The following HPSE2 variants were observed in gnomAD, a reference collection of about 807,000 sequenced individuals.
The protein encoded by HPSE2 is heparanase 2 (inactive), also known as inactive heparanase-2.
HPSE2 carries 38 observed loss-of-function variants against 60.5 expected under a neutral mutation model. The observed-to-expected ratio is 0.63, with a 90% CI of 0.48 to 0.82. The LOEUF (loss-of-function observed/expected upper bound fraction) is 0.82, where lower values mean the gene tolerates loss of function less well. HPSE2 is among the 40% of genes least tolerant of loss of function. HPSE2 has a pLI of 0.00. For missense variants in HPSE2, 713 were observed against 740.4 expected, an observed-to-expected ratio of 0.96 and a Z score of 0.43; for synonymous variants, 295 against 293.2, an observed-to-expected ratio of 1.01 and a Z score of -0.06.
At chr10:98,716,366 G>C (rs1026166599) in intron 5 of HPSE2, among the ~76,000 whole-genome samples, 10 of 151,742 alleles carry the variant, frequency 6.6e-5, no homozygotes, top group Non-Finnish European at 1.3e-4. Flanking sequence ...CAGCACACCA[G>C]CATGGCACAT....
chr10:99,159,458 T>A (rs908527751), intron 2 of HPSE2, among the ~76,000 whole-genome samples: 5 of 152,210 alleles, frequency 3.3e-5, no homozygotes, highest in African/African-American at 1.2e-4. Context: ...AATTCATATA[T>A]GTAATAAAAT....
intron 2 of HPSE2, among the ~76,000 whole-genome samples, chr10:99,228,957 T>A (rs1424567658): frequency 6.6e-6 from 1 of 151,950 alleles, no homozygotes; most frequent in Non-Finnish European, 1.5e-5. Flanking sequence ...GGCAGATCAG[T>A]TGAGGTCAGG....
intron 3 of HPSE2, among the ~76,000 whole-genome samples, chr10:99,093,268 CCT>C (rs1279095629): frequency 6.6e-6 from 1 of 151,946 alleles, no homozygotes; most frequent in Non-Finnish European, 1.5e-5. Flanking sequence ...CAGGAATTCC[CCT>C]CTCAGCTCTG....
intron 3 of HPSE2, among the ~76,000 whole-genome samples, chr10:98,773,503 T>C (rs752567868): frequency 3.1e-4 from 47 of 152,184 alleles, no homozygotes; most frequent in Non-Finnish European, 5.9e-4. Context: ...AAATTTTAAG[T>C]TGGGTCATCC....
At chr10:99,135,051 A>C (rs184298515) in intron 3 of HPSE2, among the ~76,000 whole-genome samples, 78 of 152,326 alleles carry the variant, frequency 5.1e-4, no homozygotes, top group Non-Finnish European at 8.7e-4. Flanking sequence ...AGCAAAAAAA[A>C]ACAGGAGTTG....
chr10:99,157,726 G>A (rs1268700755), intron 2 of HPSE2, among the ~76,000 whole-genome samples: 1 of 143,234 alleles, frequency 7.0e-6, no homozygotes, highest in Non-Finnish European at 1.5e-5. Flanking sequence ...CAAAAGCAAT[G>A]GCAACAAAAG....
intron 3 of HPSE2, among the ~76,000 whole-genome samples, chr10:98,767,050 T>C (rs1251753658): frequency 6.6e-6 from 1 of 152,154 alleles, no homozygotes; most frequent in Non-Finnish European, 1.5e-5. Flanking sequence ...TCCGACAAAA[T>C]TCAACATTAA....
In HPSE2 at chr10:98,733,312, G is replaced by A. The variant is rs557173109; in HGVS notation, c.784+10571C>T. On this transcript the variant is annotated intron_variant, in intron 4 of 11. Coordinates refer to ENST00000370552, the MANE Select transcript of HPSE2 (RefSeq NM_021828.5). Reference sequence around the variant, plus strand: ...TTTTTTGTATTTTTTTGTAGAGATGGGGTTTCATTATGTTTCCAAGGCTGG... The same window carrying A: ...TTTTTTGTATTTTTTTGTAGAGATGAGGTTTCATTATGTTTCCAAGGCTGG... 6.4e-4 allele frequency among the ~76,000 whole-genome samples: 97 copies of A among 152,048 alleles called. 1 individual carries two copies. Among genetic ancestry groups the A allele is most frequent in the Non-Finnish European group, 1.1e-3 (76 of 67,982 alleles).
Position 98,982,881 on chromosome 10 carries a change from C to A in HPSE2, c.610+161357G>T, listed in dbSNP as rs189235441. On this transcript the variant is annotated intron_variant, in intron 3 of 11. Transcript: ENST00000370552. ...CTCGAGTTTGAACTATGTGGCTGAT[C>A]ACTTGAATTACTTGTTCTCTAGAAA... 3.9e-5 allele frequency among the ~76,000 whole-genome samples: 6 copies of A among 152,308 alleles called. No homozygotes were observed. The East Asian group carries it at 1.2e-3, about 29-fold the overall frequency.
At chr10:99,023,051 G>T (rs1957298031) in intron 3 of HPSE2, among the ~76,000 whole-genome samples, 1 of 152,112 alleles carries the variant, frequency 6.6e-6, no homozygotes, top group Admixed American at 6.5e-5. Context: ...GGCTCTTGGG[G>T]TCCCTGATTC....
At chr10:98,936,868 A>C (rs757795489) in intron 3 of HPSE2, among the ~76,000 whole-genome samples, 2 of 137,942 alleles carry the variant, frequency 1.4e-5, no homozygotes, top group African/African-American at 3.1e-5. Context: ...AATCCCAGAT[A>C]CTCAGGAGGC....
chr10:98,540,450 A>C (rs1182913997), intron 9 of HPSE2, among the ~76,000 whole-genome samples: 1 of 152,250 alleles, frequency 6.6e-6, no homozygotes, highest in African/African-American at 2.4e-5. Context: ...AAGATGTAGT[A>C]GGCCAAATGC....
upstream of HPSE2, among the ~76,000 whole-genome samples, chr10:99,238,588 C>T (rs979587902): frequency 6.6e-6 from 1 of 152,106 alleles, no homozygotes; most frequent in African/African-American, 2.4e-5. Flanking sequence ...GAGGTTAGCC[C>T]TCGTTGGTCT....
At chr10:98,830,474 C>T (rs1951658823) in intron 3 of HPSE2, among the ~76,000 whole-genome samples, 1 of 152,116 alleles carries the variant, frequency 6.6e-6, no homozygotes, top group African/African-American at 2.4e-5. Flanking sequence ...AAATAAAAGG[C>T]TTCAATCTGC....
chr10:99,099,387 G>C (rs562936427), intron 3 of HPSE2, among the ~76,000 whole-genome samples: 1 of 152,186 alleles, frequency 6.6e-6, no homozygotes. Flanking sequence ...GTGGAGTCTC[G>C]CTCATTGCTA....
At chr10:98,570,739 G>A (rs963780944) in intron 9 of HPSE2, among the ~76,000 whole-genome samples, 1 of 152,108 alleles carries the variant, frequency 6.6e-6, no homozygotes, top group Non-Finnish European at 1.5e-5. Context: ...CACAGATAAA[G>A]GGTCTAGGGG....
At chr10:99,279,753 C>T in the HPSE2 span, among the ~76,000 whole-genome samples, 1 of 152,296 alleles carries the variant, frequency 6.6e-6, no homozygotes, top group Non-Finnish European at 1.5e-5. Flanking sequence ...CCATGGGAAA[C>T]ATAAAATGTG....
At chr10:99,282,890 TA>T in the HPSE2 span, among the ~76,000 whole-genome samples, 1 of 151,904 alleles carries the variant, frequency 6.6e-6, no homozygotes, top group Non-Finnish European at 1.5e-5. Flanking sequence ...ATGCCTACGT[TA>T]AAAAAAGAAG....
At chr10:98,621,848 C>A (rs1415050825) in intron 7 of HPSE2, among the ~76,000 whole-genome samples, 1 of 152,242 alleles carries the variant, frequency 6.6e-6, no homozygotes, top group African/African-American at 2.4e-5. Context: ...AGTACACTGA[C>A]ACCTAGCTGG....
Sources: allele counts gnomAD v4.1 joint callset (sites outside exome capture counted in the v4.1 genomes callset), GRCh38; gene constraint gnomAD v4.1.1; transcripts MANE v1.5; gene names NCBI Gene and HGNC (gene_info 2026-07-23, HGNC 2026-07-21).